Variants in DNAJC1 observed in about 807,000 individuals in gnomAD.
DNAJC1 encodes the protein dnaJ homolog subfamily C member 1.
A neutral mutation model predicts 76.6 loss-of-function variants in DNAJC1; 58 were observed. The observed-to-expected ratio is 0.76, with a 90% CI of 0.61 to 0.94. The LOEUF is 0.94. Among genes scored for constraint, DNAJC1 ranks in the 40% least tolerant of loss-of-function variants. The pLI, the probability that DNAJC1 is intolerant of heterozygous loss-of-function variation, is 0.00. For missense variants in DNAJC1, 689 were observed against 677.3 expected, an observed-to-expected ratio of 1.02 and a Z score of -0.19; for synonymous variants, 258 against 267.9, an observed-to-expected ratio of 0.96 and a Z score of 0.36.
At chr10:21,926,506 T>A (rs946598168) in intron 3 of DNAJC1, among the ~76,000 whole-genome samples, 18 of 152,182 alleles carry the variant, frequency 1.2e-4, no homozygotes, top group African/African-American at 4.3e-4. Flanking sequence ...CCAAAATGCA[T>A]TTTTTCATAT....
intron 8 of DNAJC1, among the ~76,000 whole-genome samples, chr10:21,841,180 G>T (rs909392140): frequency 6.6e-6 from 1 of 152,154 alleles, no homozygotes; most frequent in African/African-American, 2.4e-5. Flanking sequence ...TACCATTCAG[G>T]ACATAGGCAT....
At chr10:21,779,170 C>T (rs1337714828) in intron 9 of DNAJC1, among the ~76,000 whole-genome samples, 1 of 152,220 alleles carries the variant, frequency 6.6e-6, no homozygotes, top group Non-Finnish European at 1.5e-5. Context: ...CCTCTGGGGA[C>T]ACGGCACAGA....
In DNAJC1 at chr10:21,896,957, T is replaced by A. The variant is rs542778405; in HGVS notation, c.820+7565A>T. Among the ~76,000 whole-genome samples the A allele has an allele frequency of 3.7e-4, 57 of 152,294 alleles. 1 individual carries two copies. Among genetic ancestry groups the A allele is most frequent in the African/African-American group, 1.3e-3 (54 of 41,560 alleles). On this transcript the variant is annotated intron_variant, in intron 7 of 11. Transcript: ENST00000376980. ...CTTCTGTTCCTTGTGAGGACATGTG[T>A]TTGTGCCCTCCGGAGGATGTGCAAC...
intron 1 of DNAJC1, among the ~76,000 whole-genome samples, chr10:21,970,087 T>C (rs1837954348): frequency 6.6e-6 from 1 of 152,184 alleles, no homozygotes; most frequent in Non-Finnish European, 1.5e-5. Context: ...ACAATTTATT[T>C]GTATTAGCAT....
intron 6 of DNAJC1, among the ~76,000 whole-genome samples, chr10:21,917,576 A>G (rs998004372): frequency 6.6e-6 from 1 of 152,074 alleles, no homozygotes; most frequent in Non-Finnish European, 1.5e-5. Flanking sequence ...TCTCATAAAC[A>G]TACCAGTGTG....
At chr10:21,878,205 A>G (rs1836218901) in intron 8 of DNAJC1, among the ~76,000 whole-genome samples, 1 of 152,228 alleles carries the variant, frequency 6.6e-6, no homozygotes, top group African/African-American at 2.4e-5. Context: ...TTTACTAAAC[A>G]TGATAAAAAA....
intron 8 of DNAJC1, among the ~76,000 whole-genome samples, chr10:21,843,563 T>C (rs908027635): frequency 6.6e-6 from 1 of 151,858 alleles, no homozygotes; most frequent in Non-Finnish European, 1.5e-5. Flanking sequence ...CCAGCTAATT[T>C]TTTGTATTTT....
rs190832618 is a variant in DNAJC1 at position 21,785,084 on chromosome 10, G to C, written c.1099-18775C>G. On this transcript the variant is annotated intron_variant, in intron 9 of 11. Coordinates refer to ENST00000376980, the MANE Select transcript of DNAJC1 (RefSeq NM_022365.4). ...AAAAAAGAAAAAAAATCAGCTTCTT[G>C]CTTTAAAAAAGTCTTATTTATAAAT... Among the ~76,000 whole-genome samples, 19 of 152,242 alleles carry C rather than the reference G, an allele frequency of 1.2e-4. No homozygotes were observed. In the East Asian group the frequency reaches 3.7e-3, roughly 29 times the overall value.
rs1226790346 is a variant in DNAJC1, at chr10:21,813,167, TCTCTCTCC to T, written c.979-7076_979-7069del. On this transcript the variant is annotated intron_variant, in intron 8 of 11. Coordinates refer to ENST00000376980, the MANE Select transcript of DNAJC1 (RefSeq NM_022365.4). ...GGTTACTTGTCTCTCTCTCTCTCTC[TCTCTCTCC>T]CTCTCTCTCTCTCTCTCTCTCTCTC... 2.4e-3 allele frequency among the ~76,000 whole-genome samples: 165 copies of T among 67,732 alleles called. 2 individuals are homozygous for T. Among genetic ancestry groups the T allele is most frequent in the Middle Eastern group, 7.2e-3 (1 of 138 alleles). 44.4% of individuals were successfully genotyped at this position (67,732 alleles called of 152,430 possible).
intron 7 of DNAJC1, among the ~76,000 whole-genome samples, chr10:21,900,372 T>C (rs894475459): frequency 6.6e-6 from 1 of 151,092 alleles, no homozygotes; most frequent in African/African-American, 2.4e-5. Context: ...AAAAAAAAGA[T>C]AAAGAAATTT....
intron 8 of DNAJC1, among the ~76,000 whole-genome samples, chr10:21,866,124 G>C (rs1459021437): frequency 9.1e-6 from 1 of 110,432 alleles, no homozygotes; most frequent in Non-Finnish European, 1.7e-5. Context: ...GAGAGAGTGA[G>C]ACTTCAACTC....
chr10:21,797,156 T>G (rs1173265465), intron 9 of DNAJC1, among the ~76,000 whole-genome samples: 1 of 152,166 alleles, frequency 6.6e-6, no homozygotes. Context: ...GTTTCATTCT[T>G]TTGCATGTGG....
At chr10:21,966,675 TTTC>T (rs1327533724) in intron 1 of DNAJC1, among the ~76,000 whole-genome samples, 6 of 135,208 alleles carry the variant, frequency 4.4e-5, no homozygotes, top group Middle Eastern at 3.6e-3. Context: ...TGCCCACCTC[TTTC>T]TTCTTCTTCT....
chr10:21,862,418 T>A (rs1172590602), intron 8 of DNAJC1, among the ~76,000 whole-genome samples: 1 of 150,736 alleles, frequency 6.6e-6, no homozygotes, highest in Non-Finnish European at 1.5e-5. Flanking sequence ...AAATACCATC[T>A]GTTACTACAT....
intron 1 of DNAJC1, among the ~76,000 whole-genome samples, chr10:21,940,256 T>C (rs1034899616): frequency 2.0e-5 from 3 of 152,238 alleles, no homozygotes; most frequent in Non-Finnish European, 4.4e-5. Context: ...TACTTCATGA[T>C]AAATTTTAAG....
At chr10:21,959,156 G>A (rs950174965) in intron 1 of DNAJC1, among the ~76,000 whole-genome samples, 4 of 151,854 alleles carry the variant, frequency 2.6e-5, no homozygotes, top group African/African-American at 9.7e-5. Flanking sequence ...ATGGAGTCTC[G>A]CTCGGTTACC....
At chr10:21,972,900 G>A (rs1441551655) in intron 1 of DNAJC1, among the ~76,000 whole-genome samples, 1 of 151,946 alleles carries the variant, frequency 6.6e-6, no homozygotes, top group Non-Finnish European at 1.5e-5. Context: ...CCAATAAAAT[G>A]TCTTTGATTC....
chr10:21,839,836 G>A (rs978843294), intron 8 of DNAJC1, among the ~76,000 whole-genome samples: 5 of 152,138 alleles, frequency 3.3e-5, no homozygotes, highest in Non-Finnish European at 5.9e-5. Flanking sequence ...GATGAACATC[G>A]ATGCAAAAAT....
intron 1 of DNAJC1, among the ~76,000 whole-genome samples, chr10:21,994,371 A>C (rs1339032098): frequency 4.6e-5 from 7 of 152,238 alleles, no homozygotes. Flanking sequence ...CTTTAAGTTA[A>C]ATCTTATATA....
Sources: allele counts gnomAD v4.1 joint callset (sites outside exome capture counted in the v4.1 genomes callset), GRCh38; gene constraint gnomAD v4.1.1; transcripts MANE v1.5; gene names NCBI Gene and HGNC (gene_info 2026-07-23, HGNC 2026-07-21).